CRYBA4: variants seen among roughly 807,000 people sequenced by gnomAD.
The protein encoded by CRYBA4 is beta-crystallin A4.
In CRYBA4, 30 loss-of-function variants were observed where a neutral mutation model predicts 31.7. That is an observed-to-expected ratio of 0.95 (90% CI 0.71 to 1.28). CRYBA4 has a LOEUF of 1.28. Ranked by LOEUF, CRYBA4 falls within the 50% of genes most tolerant of loss-of-function variation. The pLI, the probability that CRYBA4 is intolerant of heterozygous loss-of-function variation, is 0.00. For synonymous variants in CRYBA4, 102 were observed against 102.3 expected, an observed-to-expected ratio of 1.00 and a Z score of 0.02; for missense variants, 225 against 260.7, an observed-to-expected ratio of 0.86 and a Z score of 0.94.
the CRYBA4 span, among the ~76,000 whole-genome samples, chr22:26,598,418 C>T: frequency 4.6e-5 from 7 of 152,086 alleles, no homozygotes; most frequent in South Asian, 2.1e-4. Context: ...ACTCTGTTGC[C>T]CAGGCTGGAG....
chr22:26,620,003 C>CTTTTTTTTTTTT (rs57928877), upstream of CRYBA4, among the ~76,000 whole-genome samples: 3 of 138,372 alleles, frequency 2.2e-5, no homozygotes, highest in African/African-American at 2.7e-5. Flanking sequence ...TTTTTCTTTT[C>CTTTTTTTTTTTT]TTTTTTTTTT....
chr22:26,623,141 G>GCTTTA (rs1472790730), intron 2 of CRYBA4, 93 bp from the exon 3 acceptor site: 10 of 1,066,780 alleles, frequency 9.4e-6, no homozygotes, highest in Non-Finnish European at 1.4e-5. Context: ...TGCAATCCCT[G>GCTTTA]CTTTACCTGC....
At chr22:26,602,140 C>T in the CRYBA4 span, 6 of 1,290,884 alleles carry the variant, frequency 4.6e-6, no homozygotes, top group East Asian at 1.2e-4. Context: ...TGCTGGGGGA[C>T]TCTCCAGGGA....
intron 5 of CRYBA4, among the ~76,000 whole-genome samples, chr22:26,629,202 A>G (rs919640779): frequency 2.6e-5 from 4 of 152,060 alleles, no homozygotes; most frequent in African/African-American, 4.8e-5. Context: ...TAGGGAGGAC[A>G]TCAGAACCAC....
chr22:26,623,300 G>A lies in CRYBA4; in HGVS notation c.106G>A (p.Val36Met), dbSNP rs35520672. Residue 36 changes from valine (V) to methionine (M), a missense_variant, in exon 3 of 6, where the codon GTG becomes ATG. Physicochemically the swap from Val to Met is conservative, Grantham distance 21 (BLOSUM62 1). Transcript: ENST00000354760. The stretch of plus-strand genomic sequence containing the variant: ...CGAGTTCACGGCCGAGTGCCCCAGC[G>A]TGCTGGAGCTTGGCTTCGAGACTGT... ...RHEFTAECPS[V>M]LELGFETVRS... The A allele has an allele frequency of 0.021, 33,454 of 1,614,012 alleles. 411 individuals are homozygous for A. The highest frequency in any genetic ancestry group is 0.024 in the Non-Finnish European group (28,505 of 1,180,010).
the CRYBA4 span, chr22:26,602,119 C>G: frequency 6.8e-7 from 1 of 1,477,376 alleles, no homozygotes; most frequent in African/African-American, 1.4e-5. Flanking sequence ...GAGAGATGAG[C>G]CTGTTCAGGC....
chr22:26,625,623 G>A lies in CRYBA4; in HGVS notation c.300+1G>A. Reference sequence around the variant, plus strand: ...CTCCTTCCGGCCTGCGGCCTGTGCTGTAAGTTCTACCACTGCTGCATCCCG... The same window carrying A: ...CTCCTTCCGGCCTGCGGCCTGTGCTATAAGTTCTACCACTGCTGCATCCCG... On this transcript the variant is annotated splice_donor_variant, in intron 4 of 5. Coordinates refer to ENST00000354760, the MANE Select transcript of CRYBA4 (RefSeq NM_001886.3). LOFTEE classifies it high-confidence loss of function. 6.2e-7 allele frequency: 1 copy of A among 1,613,682 alleles called. No individual in the cohort carries two copies. Among genetic ancestry groups the A allele is most frequent in the Non-Finnish European group, 8.5e-7 (1 of 1,179,886 alleles).
the CRYBA4 span, among the ~76,000 whole-genome samples, chr22:26,609,275 C>T: frequency 6.6e-6 from 1 of 152,166 alleles, no homozygotes; most frequent in Non-Finnish European, 1.5e-5. Flanking sequence ...ATGAGTTAAC[C>T]ACACTGGAGT....
chr22:26,627,526 C>T (rs892863876), intron 4 of CRYBA4, among the ~76,000 whole-genome samples: 2 of 80,624 alleles, frequency 2.5e-5, no homozygotes, highest in East Asian at 2.9e-4. Flanking sequence ...CTTTCTTTCT[C>T]TTTCTTTCCT....
chr22:26,625,829 C>T (rs1929687153), intron 4 of CRYBA4, among the ~76,000 whole-genome samples: 1 of 152,192 alleles, frequency 6.6e-6, no homozygotes, highest in Admixed American at 6.5e-5. Flanking sequence ...GAACGTATAA[C>T]ATCTGACCAG....
At chr22:26,617,899 C>G (rs1929409803), upstream of CRYBA4, 1 of 153,424 alleles carries the variant, frequency 6.5e-6, no homozygotes, top group Non-Finnish European at 1.5e-5. Context: ...GCACTGCTAT[C>G]TCTGCCTCCC....
chr22:26,619,332 G>A (rs1032780559), upstream of CRYBA4, among the ~76,000 whole-genome samples: 1 of 152,102 alleles, frequency 6.6e-6, no homozygotes, highest in Non-Finnish European at 1.5e-5. Context: ...AGGAACAGAC[G>A]CCAGAAATCA....
At chr22:26,605,671 CAA>C in the CRYBA4 span, among the ~76,000 whole-genome samples, 7 of 54,206 alleles carry the variant, frequency 1.3e-4, no homozygotes, top group Non-Finnish European at 1.7e-4. Context: ...AGATGTGTCT[CAA>C]AAAAAAAAAA....
intron 4 of CRYBA4, among the ~76,000 whole-genome samples, chr22:26,627,416 CTTT>C (rs1303230384): frequency 3.8e-5 from 3 of 78,358 alleles, no homozygotes; most frequent in Non-Finnish European, 6.4e-5. Flanking sequence ...TTCTTTCTTT[CTTT>C]CTTTCTTTTT....
upstream of CRYBA4, among the ~76,000 whole-genome samples, chr22:26,619,058 T>C (rs1929452811): frequency 6.6e-6 from 1 of 152,190 alleles, no homozygotes; most frequent in Non-Finnish European, 1.5e-5. Context: ...TAGCTGGGCC[T>C]GGCTAGGTAG....
At chr22:26,611,475 T>TG in the CRYBA4 span, among the ~76,000 whole-genome samples, 1 of 150,058 alleles carries the variant, frequency 6.7e-6, no homozygotes, top group African/African-American at 2.4e-5. Flanking sequence ...TTTTGTTTTT[T>TG]TTTTTTTTTT....
At chr22:26,612,235 G>C in the CRYBA4 span, 1 of 1,333,740 alleles carries the variant, frequency 7.5e-7, no homozygotes, top group Non-Finnish European at 1.1e-6. Context: ...TGAGGGGGGA[G>C]TCAAAAATTC....
the CRYBA4 span, chr22:26,602,106 C>T: frequency 1.2e-5 from 18 of 1,548,062 alleles, no homozygotes; most frequent in African/African-American, 5.4e-5. Flanking sequence ...GGGTGTGGAG[C>T]GAGAGAGATG....
chr22:26,625,017 C>T (rs1008523279), intron 3 of CRYBA4, among the ~76,000 whole-genome samples: 2 of 152,222 alleles, frequency 1.3e-5, no homozygotes, highest in African/African-American at 2.4e-5. Flanking sequence ...GCCCGTCTCC[C>T]ACACCCTGGC....
Sources: gnomAD v4.1 joint callset for allele counts (sites outside exome capture counted in the v4.1 genomes callset) on GRCh38, gnomAD v4.1.1 for gene constraint, MANE v1.5 for transcripts, NCBI Gene and HGNC (gene_info 2026-07-23, HGNC 2026-07-21) for gene names.